TMEM170A: variants seen among roughly 807,000 people sequenced by gnomAD.
The protein encoded by TMEM170A is transmembrane protein 170A.
TMEM170A carries 18 observed loss-of-function variants against 12.8 expected under a neutral mutation model. That is an observed-to-expected ratio of 1.41 (90% CI 0.97 to 2.09). The LOEUF (loss-of-function observed/expected upper bound fraction) is 2.09, where lower values mean the gene tolerates loss of function less well. Among genes scored for constraint, TMEM170A ranks in the 30% most tolerant of loss-of-function variants. The probability of loss-of-function intolerance (pLI) is 0.00; values close to 1 mark genes in which losing one functional copy is unlikely to be tolerated. For synonymous variants in TMEM170A, 107 were observed against 76.2 expected, an observed-to-expected ratio of 1.40 and a Z score of -2.11; for missense variants, 220 against 179.9, an observed-to-expected ratio of 1.22 and a Z score of -1.28.
intron 2 of TMEM170A, among the ~76,000 whole-genome samples, chr16:75,450,654 A>G (rs1392141137): frequency 7.7e-6 from 1 of 129,688 alleles, no homozygotes; most frequent in Non-Finnish European, 1.7e-5. Context: ...TACTTTTCTA[A>G]GCAAGAATTC....
In TMEM170A at chr16:75,449,611, G is replaced by A. The variant is rs146236990; in HGVS notation, c.305-1923C>T. Among the ~76,000 whole-genome samples, 796 of 152,326 alleles carry A rather than the reference G, an allele frequency of 5.2e-3. 3 individuals are homozygous for A. The highest frequency in any genetic ancestry group is 8.9e-3 in the Non-Finnish European group (608 of 68,036). On this transcript the variant is annotated intron_variant, in intron 2 of 2. Coordinates refer to ENST00000561878, the MANE Select transcript of TMEM170A (RefSeq NM_145254.3). ...TGGGATTACAGGCATAAGCCACCAT[G>A]CCTGGCACATTTCACAAATGTGATG... is the stretch of plus-strand genomic sequence containing the variant.
upstream of TMEM170A, chr16:75,464,732 C>A: frequency 7.8e-7 from 1 of 1,289,350 alleles, no homozygotes; most frequent in Non-Finnish European, 1.0e-6. Context: ...AACGGCGCTG[C>A]CAAGTGACCG....
At chr16:75,461,190 A>G (rs2079900494) in intron 1 of TMEM170A, among the ~76,000 whole-genome samples, 1 of 151,718 alleles carries the variant, frequency 6.6e-6, no homozygotes, top group Non-Finnish European at 1.5e-5. Context: ...AGTAGCTGGA[A>G]TTACAGGCAT....
chr16:75,451,729 T>C lies in TMEM170A; in HGVS notation c.244A>G (p.Met82Val), dbSNP rs374508882. Residue 82 changes from methionine (M) to valine (V), a missense_variant, in exon 2 of 3, where the codon ATG becomes GTG. Physicochemically the swap from Met to Val is conservative, Grantham distance 21. Coordinates refer to ENST00000561878, the MANE Select transcript of TMEM170A (RefSeq NM_145254.3). ...CCCATCAACAGGATGCTTACAGACA[T>C]GAACCTACCATATTTGTGATGTCTG... ...TLRHHKYGRF[M>V]SVSILLMGIV... The C allele has an allele frequency of 1.1e-5, 18 of 1,614,162 alleles. No individual in the cohort carries two copies. The highest frequency in any genetic ancestry group is 3.3e-5 in the Admixed American group (2 of 60,018).
In TMEM170A at chr16:75,459,714, G is replaced by T. The variant is rs185232334; in HGVS notation, c.133+4754C>A. ...TCTACTAAAACTACAAAATTTAGCC[G>T]GGTTTGGTGGTGTCTGCCTCTAATC... On this transcript the variant is annotated intron_variant, in intron 1 of 2. Coordinates refer to ENST00000561878, the MANE Select transcript of TMEM170A (RefSeq NM_145254.3). 9.9e-4 allele frequency among the ~76,000 whole-genome samples: 151 copies of T among 152,144 alleles called. 1 individual carries two copies. Among genetic ancestry groups the T allele is most frequent in the Non-Finnish European group, 1.1e-3 (75 of 67,984 alleles).
intron 1 of TMEM170A, among the ~76,000 whole-genome samples, chr16:75,454,200 G>A (rs1412132126): frequency 1.5e-5 from 2 of 134,052 alleles, no homozygotes; most frequent in Admixed American, 1.5e-4. Context: ...GGCACCTCTG[G>A]CCTGCAGCAC....
chr16:75,450,905 TCCCACCTCTGCCTCCCAAAGTGCTGG>T (rs2079669635), intron 2 of TMEM170A, among the ~76,000 whole-genome samples: 1 of 152,098 alleles, frequency 6.6e-6, no homozygotes, highest in Non-Finnish European at 1.5e-5. Flanking sequence ...TCAGCAAGCC[TCCCACCTCTGCCTCCCAAAGTGCTGG>T]GATTACAGTC....
At chr16:75,463,432 A>C (rs1736851130) in intron 1 of TMEM170A, among the ~76,000 whole-genome samples, 1 of 152,106 alleles carries the variant, frequency 6.6e-6, no homozygotes, top group Non-Finnish European at 1.5e-5. Context: ...GCTACTTCAC[A>C]ATCCCGTCCG....
chr16:75,464,517 C>A lies in TMEM170A; in HGVS notation c.84G>T (p.Val28=). 6.3e-7 allele frequency: 1 copy of A among 1,586,224 alleles called. No individual in the cohort carries two copies. Among genetic ancestry groups the A allele is most frequent in the African/African-American group, 1.4e-5 (1 of 71,918 alleles). ...QILSLKVVPR[V]GNGTLCPNST... ...AGTTGGGGCACAGGGTCCCGTTGCC[C>A]ACCCGCGGCACAACCTTCAGGCTCA... Residue 28 remains valine (V), a synonymous_variant, in exon 1 of 3, where the codon GTG becomes GTT. Coordinates refer to ENST00000561878, the MANE Select transcript of TMEM170A (RefSeq NM_145254.3).
Position 75,464,453 on chromosome 16 carries a change from C to T in TMEM170A, c.133+15G>A. The T allele has an allele frequency of 6.9e-7, 1 of 1,458,868 alleles. No homozygotes were observed. Among genetic ancestry groups the T allele is most frequent in the African/African-American group, 1.5e-5 (1 of 67,596 alleles). The allele number at this position is 1,458,868 out of a possible 1,614,324, so 90.4% of individuals were successfully genotyped here. ...CGGCGGGGCGCGCAGTGCGCAGGCG[C>T]GGGGCGGGCCGTACCTGGGAAGGAG... On this transcript the variant is annotated intron_variant, in intron 1 of 2. Transcript: ENST00000561878.
rs368969921 is a variant in TMEM170A at position 75,462,400 on chromosome 16, G to C, written c.133+2068C>G. The stretch of plus-strand genomic sequence containing the variant: ...ACGCCTGACTTTTTAGTAGAGACAA[G>C]GTTTTGCCATGTTGGCCAGGCTGGT... On this transcript the variant is annotated intron_variant, in intron 1 of 2. Transcript: ENST00000561878. Among the ~76,000 whole-genome samples, 18 of 152,300 alleles carry C rather than the reference G, an allele frequency of 1.2e-4. 3 individuals carry two copies. Among genetic ancestry groups the C allele is most frequent in the Admixed American group, 6.5e-4 (10 of 15,294 alleles).
intron 1 of TMEM170A, 22 bp from the exon 2 acceptor site, chr16:75,451,861 A>C (rs1239615380): frequency 6.3e-7 from 1 of 1,590,656 alleles, no homozygotes; most frequent in East Asian, 2.3e-5. Context: ...GACAAAGAAA[A>C]GTTGTGAATC....
intron 2 of TMEM170A, among the ~76,000 whole-genome samples, chr16:75,449,641 G>C (rs1260008342): frequency 6.6e-6 from 1 of 152,120 alleles, no homozygotes. Flanking sequence ...GTGATGTGAA[G>C]GTATATTAAC....
At chr16:75,457,220 T>A (rs1378569577) in intron 1 of TMEM170A, among the ~76,000 whole-genome samples, 1 of 152,216 alleles carries the variant, frequency 6.6e-6, no homozygotes, top group East Asian at 1.9e-4. Context: ...GGAGCCTGGC[T>A]TCCTACCAGC....
rs1202903462 is a variant in TMEM170A at position 75,445,490 on chromosome 16, TCTCA to T, written c.*2064_*2067del. 1 of 152,098 alleles carries T rather than the reference TCTCA, an allele frequency of 6.6e-6. No homozygotes were observed. Among genetic ancestry groups the T allele is most frequent in the East Asian group, 1.9e-4 (1 of 5,180 alleles). 9.4% of individuals were successfully genotyped at this position (152,098 alleles called of 1,614,324 possible). On this transcript the variant is annotated 3_prime_UTR_variant, in exon 3 of 3. Coordinates refer to ENST00000561878, the MANE Select transcript of TMEM170A (RefSeq NM_145254.3). ...TTTTTATTTTGTAGTAGAGACAAGG[TCTCA>T]CTATGTTGCCCAGGCCAGTCTTGAA...
Position 75,444,708 on chromosome 16 carries a change from C to CTATATA in TMEM170A, c.*2844_*2849dup, listed in dbSNP as rs151177204. ...CTACACCGCTCAAGCTATTTAAAATCTATATATATATATAGATTTATTCAC... is the reference window on the plus strand; with the variant it reads ...CTACACCGCTCAAGCTATTTAAAATCTATATATATATATATATATAGATTTATTCAC... On this transcript the variant is annotated 3_prime_UTR_variant, in exon 3 of 3. Coordinates refer to ENST00000561878, the MANE Select transcript of TMEM170A (RefSeq NM_145254.3). The CTATATA allele has an allele frequency of 8.6e-5, 13 of 151,040 alleles. No homozygotes were observed. The highest frequency in any genetic ancestry group is 2.7e-4 in the African/African-American group (11 of 41,216). The allele number at this position is 151,040 out of a possible 1,614,324, so 9.4% of individuals were successfully genotyped here. A position where few individuals can be genotyped will look rare whatever the true frequency, so the allele number is the denominator to read the frequency against.
intron 1 of TMEM170A, among the ~76,000 whole-genome samples, chr16:75,457,473 A>C (rs2079820504): frequency 6.6e-6 from 1 of 152,204 alleles, no homozygotes; most frequent in African/African-American, 2.4e-5. Flanking sequence ...CATGGTGAGA[A>C]GGCAGCCATC....
In TMEM170A at chr16:75,445,498, T is replaced by C. The variant is rs2079568629; in HGVS notation, c.*2060A>G. The C allele has an allele frequency of 6.6e-6, 1 of 152,210 alleles. No individual in the cohort carries two copies. Among genetic ancestry groups the C allele is most frequent in the Non-Finnish European group, 1.5e-5 (1 of 68,090 alleles). 9.4% of individuals were successfully genotyped at this position (152,210 alleles called of 1,614,324 possible). ...TTGTAGTAGAGACAAGGTCTCACTA[T>C]GTTGCCCAGGCCAGTCTTGAACTCT... On this transcript the variant is annotated 3_prime_UTR_variant, in exon 3 of 3. Coordinates refer to ENST00000561878, the MANE Select transcript of TMEM170A (RefSeq NM_145254.3).
chr16:75,447,610 T>C lies in TMEM170A; in HGVS notation c.383A>G (p.Gln128Arg). 6.2e-7 allele frequency: 1 copy of C among 1,612,898 alleles called. No individual in the cohort carries two copies. The highest frequency in any genetic ancestry group is 8.5e-7 in the Non-Finnish European group (1 of 1,179,598). Reference protein sequence around the residue: ...PFEALTLGTGQTFCVLVVSFL... With the variant: ...PFEALTLGTGRTFCVLVVSFL... ...GGAGACCACCAAGACGCAAAATGTC[T>C]GTCCAGTGCCCAGTGTGAGGGCTTC... Residue 128 changes from glutamine (Q) to arginine (R), a missense_variant, in exon 3 of 3, where the codon CAG (glutamine) becomes CGG (arginine). Coordinates refer to ENST00000561878, the MANE Select transcript of TMEM170A (RefSeq NM_145254.3).
Sources: allele counts gnomAD v4.1 joint callset (sites outside exome capture counted in the v4.1 genomes callset), GRCh38; gene constraint gnomAD v4.1.1; transcripts MANE v1.5; gene names NCBI Gene and HGNC (gene_info 2026-07-23, HGNC 2026-07-21).